Variants in UTS2B observed in about 807,000 individuals in gnomAD.
The protein encoded by UTS2B is urotensin 2B.
UTS2B carries 21 observed loss-of-function variants against 19.2 expected under a neutral mutation model. The observed-to-expected ratio is 1.09, with a 90% CI of 0.78 to 1.58. The LOEUF (loss-of-function observed/expected upper bound fraction) is 1.58. Ranked by LOEUF, UTS2B falls within the 40% of genes most tolerant of loss-of-function variation. UTS2B has a pLI of 0.00. For missense variants in UTS2B, 138 were observed against 130.3 expected, an observed-to-expected ratio of 1.06 and a Z score of -0.29; for synonymous variants, 57 against 50.2, an observed-to-expected ratio of 1.14 and a Z score of -0.58.
At chr3:191,328,781 C>A (rs1234064118) in intron 1 of UTS2B, 72 bp from the exon 2 acceptor site, 1 of 152,196 alleles carries the variant, frequency 6.6e-6, no homozygotes, top group Non-Finnish European at 1.5e-5. Flanking sequence ...ATAAGTCTGA[C>A]GCCTCGTTAT....
the UTS2B span, among the ~76,000 whole-genome samples, chr3:191,346,174 G>T: frequency 6.6e-6 from 1 of 152,064 alleles, no homozygotes; most frequent in Non-Finnish European, 1.5e-5. Flanking sequence ...CAATAAAATT[G>T]CTACTACAAC....
At chr3:191,287,768 AAAAG>A (rs1163600262) in intron 4 of UTS2B, among the ~76,000 whole-genome samples, 4 of 152,098 alleles carry the variant, frequency 2.6e-5, no homozygotes, top group Admixed American at 1.3e-4. Context: ...CAATCAGAAA[AAAAG>A]AAAGAAAGAA....
rs1039458352 is a variant in UTS2B at position 191,282,113 on chromosome 3, A to G, written c.77T>C (p.Val26Ala). The change falls in exon 5 of 9, where the codon GTG becomes GCG. Residue 26 changes from valine to alanine, a missense_variant. Transcript: ENST00000340524. ...TTGGGTAAGATATGGTCGTCCATGC[A>G]CAGATTGTAAAAAACTCAACACGGA... ...LLSVLSFLQS[V>A]HGRPYLTQGN... The G allele has an allele frequency of 3.1e-6, 5 of 1,613,400 alleles. No homozygotes were observed. In the Admixed American group the frequency reaches 6.7e-5, roughly 22 times the overall value.
At chr3:191,268,956 T>A (rs1716016110) in intron 8 of UTS2B, among the ~76,000 whole-genome samples, 1 of 152,358 alleles carries the variant, frequency 6.6e-6, no homozygotes, top group South Asian at 2.1e-4. Context: ...TTTAAATAAC[T>A]TCATTTGTCA....
chr3:191,301,770 T>G (rs1717009273), intron 4 of UTS2B, among the ~76,000 whole-genome samples: 1 of 151,974 alleles, frequency 6.6e-6, no homozygotes, highest in Admixed American at 6.6e-5. Flanking sequence ...ATTACAGGCG[T>G]GAGCCACCAC....
intron 2 of UTS2B, among the ~76,000 whole-genome samples, chr3:191,317,061 G>C (rs1359029268): frequency 6.6e-6 from 1 of 152,246 alleles, no homozygotes; most frequent in Admixed American, 6.5e-5. Flanking sequence ...CTTGGAGCAG[G>C]GGGTGGTGCC....
chr3:191,335,901 T>G, the UTS2B span, among the ~76,000 whole-genome samples: 3 of 152,074 alleles, frequency 2.0e-5, no homozygotes, highest in African/African-American at 7.2e-5. Flanking sequence ...ACAGAACAGT[T>G]CCTAACCCCC....
chr3:191,329,482 G>T (rs373639139), intron 1 of UTS2B: 1 of 493,926 alleles, frequency 2.0e-6, no homozygotes, highest in East Asian at 3.7e-5. Context: ...CCAGCTTGGT[G>T]CCTCGGGGAC....
rs117470239 is a variant in UTS2B at position 191,285,558 on chromosome 3, C to T, written c.-124-3245G>A. Among the ~76,000 whole-genome samples, 354 of 152,200 alleles carry T rather than the reference C, an allele frequency of 2.3e-3. 12 individuals are homozygous for T. In the East Asian group the frequency reaches 0.062, roughly 27 times the overall value. On this transcript the variant is annotated intron_variant, in intron 4 of 8. Coordinates refer to ENST00000340524, the MANE Select transcript of UTS2B (RefSeq NM_198152.5). ...GACATAGATGAATAAAAACAATACC[C>T]AACTATATGCTGTCTACAAGAGACT...
chr3:191,343,597 C>G, the UTS2B span, among the ~76,000 whole-genome samples: 1 of 152,190 alleles, frequency 6.6e-6, no homozygotes, highest in Admixed American at 6.5e-5. Context: ...TTGCTAAGTT[C>G]ATATATTCCT....
intron 4 of UTS2B, among the ~76,000 whole-genome samples, chr3:191,285,247 A>G (rs757844539): frequency 6.6e-6 from 1 of 152,350 alleles, no homozygotes; most frequent in African/African-American, 2.4e-5. Context: ...TACGTGATCA[A>G]TGTTAAGTTG....
At chr3:191,273,096 A>C (rs1263660917) in intron 8 of UTS2B, among the ~76,000 whole-genome samples, 1 of 152,160 alleles carries the variant, frequency 6.6e-6, no homozygotes, top group Non-Finnish European at 1.5e-5. Flanking sequence ...GGAACCTGGG[A>C]GGCAGAGGTT....
intron 2 of UTS2B, among the ~76,000 whole-genome samples, chr3:191,324,138 T>C (rs1717681303): frequency 6.6e-6 from 1 of 152,164 alleles, no homozygotes; most frequent in Admixed American, 6.5e-5. Context: ...CTGGAGGCTT[T>C]ACAAGAAGAA....
At position 191,309,408 on chromosome 3, in the gene UTS2B, C is replaced by T. The variant is rs550765657; in HGVS notation, c.-181-4860G>A. On this transcript the variant is annotated intron_variant, in intron 3 of 8. Transcript: ENST00000340524. ...CAGGACGGTCTCGATCTCCTGACCT[C>T]GTGATCTGCCCGCCTCAGCCTCCCA... Among the ~76,000 whole-genome samples the T allele has an allele frequency of 1.2e-3, 186 of 152,122 alleles. 1 individual carries two copies. Among genetic ancestry groups the T allele is most frequent in the African/African-American group, 4.4e-3 (181 of 41,516 alleles).
chr3:191,289,135 C>T (rs1278501509), intron 4 of UTS2B, among the ~76,000 whole-genome samples: 16 of 152,070 alleles, frequency 1.1e-4, no homozygotes, highest in Admixed American at 4.6e-4. Flanking sequence ...ATCAGCCAGG[C>T]GCAGTGGCTC....
chr3:191,341,740 C>G, the UTS2B span, among the ~76,000 whole-genome samples: 12,947 of 152,186 alleles, frequency 0.085, 672 homozygotes, highest in East Asian at 0.24. Flanking sequence ...AATTACCCCA[C>G]TCTTGTGAAA....
chr3:191,340,791 A>G, the UTS2B span, among the ~76,000 whole-genome samples: 1 of 152,126 alleles, frequency 6.6e-6, no homozygotes. Flanking sequence ...GCAGTAAACT[A>G]TTGATTATAT....
chr3:191,275,262 A>G lies in UTS2B; in HGVS notation c.324T>C (p.Pro108=), dbSNP rs775952964. The G allele has an allele frequency of 6.2e-7, 1 of 1,605,728 alleles. No individual in the cohort carries two copies. Among genetic ancestry groups the G allele is most frequent in the South Asian group, 1.1e-5 (1 of 89,986 alleles). ...GAAATGAAAGCTTACCTCGTTTGCTAGGATGAGAAGAGAATAGACCATCTA... is the reference window on the plus strand; with the variant it reads ...GAAATGAAAGCTTACCTCGTTTGCTGGGATGAGAAGAGAATAGACCATCTA... ...YAVDGLFSSH[P]SKRACFWKYC... is the part of the protein sequence containing the mutation. The change falls in exon 8 of 9, where the codon CCT becomes CCC. Residue 108 remains proline (P), a synonymous_variant. Transcript: ENST00000340524.
At position 191,289,408 on chromosome 3, in the gene UTS2B, CAATAAATAAATA is replaced by C. The variant is rs373034429; in HGVS notation, c.-124-7107_-124-7096del. Among the ~76,000 whole-genome samples the C allele has an allele frequency of 2.8e-3, 393 of 139,338 alleles. 5 individuals are homozygous for C. Among genetic ancestry groups the C allele is most frequent in the African/African-American group, 0.01 (368 of 35,488 alleles). The allele number at this position is 139,338 out of a possible 152,430, so 91.4% of individuals were successfully genotyped here. The stretch of plus-strand genomic sequence containing the variant: ...TGGGCAACAGACCAAGACTCCATCT[CAATAAATAAATA>C]AATAAATAAATAAATAAATAAATAA... On this transcript the variant is annotated intron_variant, in intron 4 of 8. Coordinates refer to ENST00000340524, the MANE Select transcript of UTS2B (RefSeq NM_198152.5).
Sources: allele counts gnomAD v4.1 joint callset (sites outside exome capture counted in the v4.1 genomes callset), GRCh38; gene constraint gnomAD v4.1.1; transcripts MANE v1.5; gene names NCBI Gene and HGNC (gene_info 2026-07-23, HGNC 2026-07-21).